VIL1: variants seen among roughly 807,000 people sequenced by gnomAD.
The protein encoded by VIL1 is villin 1, also known as villin-1.
VIL1 carries 86 observed loss-of-function variants against 104.0 expected under a neutral mutation model. The observed-to-expected ratio is 0.83, with a 90% CI of 0.69 to 0.99. The LOEUF (loss-of-function observed/expected upper bound fraction) is 0.99. VIL1 is among the 50% of genes least tolerant of loss of function. The pLI, the probability that VIL1 is intolerant of heterozygous loss-of-function variation, is 0.00. For synonymous variants in VIL1, 394 were observed against 412.6 expected (o/e 0.95, Z 0.55); for missense variants, 944 against 1,054.1 (o/e 0.90, Z 1.45).
At position 218,452,925 on chromosome 2, in the gene VIL1, C is replaced by T. The variant is rs1476417121; in HGVS notation, c.*3589C>T. 6.6e-6 allele frequency: 1 copy of T among 152,100 alleles called. No individual in the cohort carries two copies. Among genetic ancestry groups the T allele is most frequent in the African/African-American group, 2.4e-5 (1 of 41,434 alleles). 9.4% of individuals were successfully genotyped at this position (152,100 alleles called of 1,614,324 possible). A position where few individuals can be genotyped will look rare whatever the true frequency, so the allele number is the denominator to read the frequency against. On this transcript the variant is annotated 3_prime_UTR_variant, in exon 20 of 20. Coordinates refer to ENST00000248444, the MANE Select transcript of VIL1 (RefSeq NM_007127.3). ...ATTTCCAAGCAAAATCAAACCAAAC[C>T]AAAGAGGCTCCTGGTAGAAATGAAA...
Position 218,429,867 on chromosome 2 carries a change from CA to C in VIL1, c.869del (p.Gln290ArgfsTer4), listed in dbSNP as rs749326026. 1.4e-5 allele frequency: 22 copies of C among 1,612,794 alleles called. No individual in the cohort carries two copies. The highest frequency in any genetic ancestry group is 9.9e-5 in the South Asian group (9 of 91,056). Reference protein sequence around the residue: ...LSHEDCYILDQGGLKIYVWKG... With the variant: ...LSHEDCYILDXGGLKIYVWKG... The stretch of plus-strand genomic sequence containing the variant: ...ACTCTAGGACTGTTACATCCTGGAC[CA>C]GGGGGGCCTGAAGATCTACGTGTGG... On this transcript the variant is annotated frameshift_variant, in exon 9 of 20. Transcript: ENST00000248444. LOFTEE classifies it high-confidence loss of function.
intron 10 of VIL1, chr2:218,431,162 T>C (rs1689089850): frequency 3.7e-6 from 2 of 535,568 alleles, no homozygotes; most frequent in East Asian, 3.2e-5. Context: ...TAGCCTAACA[T>C]GGTGAAACCC....
Position 218,429,955 on chromosome 2 carries a change from TGGGGGC to T in VIL1, c.948+14_948+19del. 5 of 577,562 alleles carry T rather than the reference TGGGGGC, an allele frequency of 8.7e-6. No homozygotes were observed. Among genetic ancestry groups the T allele is most frequent in the Non-Finnish European group, 1.0e-5 (4 of 394,622 alleles). The allele number at this position is 577,562 out of a possible 1,614,324, so 35.8% of individuals were successfully genotyped here. On this transcript the variant is annotated intron_variant, in intron 9 of 19. Transcript: ENST00000248444. ...GCCATGAGCCATGCGCTGGTAGTGG[TGGGGGC>T]GGGGGAGGGTCCAGGAGGAGGGCAG...
rs146376067 is a variant in VIL1 at position 218,444,672 on chromosome 2, ATC to A, written c.2370+3816_2370+3817del. ...GTGGGAGTGTAGGAGAGGTTTTCAGATCTCTCTGTCTGCTCCAATCTTGCAAG... is the reference window on the plus strand; with the variant it reads ...GTGGGAGTGTAGGAGAGGTTTTCAGATCTCTGTCTGCTCCAATCTTGCAAG... On this transcript the variant is annotated intron_variant, in intron 19 of 19. Transcript: ENST00000248444. 3.2e-3 allele frequency among the ~76,000 whole-genome samples: 486 copies of A among 152,232 alleles called. 1 individual carries two copies. The highest frequency in any genetic ancestry group is 0.011 in the African/African-American group (466 of 41,536).
At chr2:218,424,006 C>T (rs577371171) in intron 2 of VIL1, among the ~76,000 whole-genome samples, 153 bp downstream of exon 2, 13 of 152,286 alleles carry the variant, frequency 8.5e-5, no homozygotes, top group South Asian at 2.1e-4. Flanking sequence ...ATCCACACCC[C>T]GGCTGGTCTC....
At chr2:218,431,767 C>A in intron 10 of VIL1, 90 bp from the exon 11 acceptor site, 1 of 1,092,664 alleles carries the variant, frequency 9.2e-7, no homozygotes, top group Non-Finnish European at 1.4e-6. Context: ...GAAAATGAGT[C>A]TAAGAATTGT....
At position 218,434,657 on chromosome 2, in the gene VIL1, T is replaced by A. The variant is rs774680627; in HGVS notation, c.1632T>A (p.Asp544Glu). 1 of 1,614,164 alleles carries A rather than the reference T, an allele frequency of 6.2e-7. No homozygotes were observed. Among genetic ancestry groups the A allele is most frequent in the Non-Finnish European group, 8.5e-7 (1 of 1,180,008 alleles). ...PARANFLNSNDVFVLKTQSCC... is the reference protein window; with the variant it reads ...PARANFLNSNEVFVLKTQSCC... ...GGGCCAATTTCCTCAATTCCAATGA[T>A]GTCTTTGTCCTCAAGACCCAGTCTT... The change falls in exon 14 of 20, where the codon GAT becomes GAA. Residue 544 changes from aspartate to glutamate, a missense_variant. Physicochemically the swap from Asp to Glu is conservative, Grantham distance 45 (BLOSUM62 2). Transcript: ENST00000248444.
At position 218,432,198 on chromosome 2, in the gene VIL1, C is replaced by T. The variant is rs768661429; in HGVS notation, c.1341+15C>T. The T allele has an allele frequency of 2.3e-5, 37 of 1,608,656 alleles. No homozygotes were observed. The East Asian group carries it at 6.0e-4, about 26-fold the overall frequency. The stretch of plus-strand genomic sequence containing the variant: ...ACGTTTGGCAGGTCAGGTCCCGCCA[C>T]GTCCCACCCAGAGCACAGCCGGCTT... On this transcript the variant is annotated intron_variant, in intron 12 of 19. Coordinates refer to ENST00000248444, the MANE Select transcript of VIL1 (RefSeq NM_007127.3).
At chr2:218,429,708 C>T in intron 8 of VIL1, 33 bp downstream of exon 8, 1 of 1,612,430 alleles carries the variant, frequency 6.2e-7, no homozygotes, top group Non-Finnish European at 8.5e-7. Flanking sequence ...CAGCCTACTG[C>T]AGCCTGGCCC....
Position 218,423,830 on chromosome 2 carries a change from G to C in VIL1, c.52G>C (p.Gly18Arg). The part of the protein sequence containing the change: ...VKGSLNITTP[G>R]LQIWRIEAMQ... ...AGGCTCTCTCAACATCACCACCCCG[G>C]GGCTGCAGATATGGAGGATCGAGGT... The change falls in exon 2 of 20, where the codon GGG (glycine) becomes CGG (arginine). Residue 18 changes from glycine (G) to arginine (R), a missense_variant. Physicochemically the swap from Gly to Arg is moderately radical, Grantham distance 125. Transcript: ENST00000248444. The C allele has an allele frequency of 6.2e-7, 1 of 1,614,168 alleles. No homozygotes were observed. The highest frequency in any genetic ancestry group is 1.1e-5 in the South Asian group (1 of 91,082).
intron 4 of VIL1, 136 bp from the exon 5 acceptor site, chr2:218,427,826 GCCC>G: frequency 1.4e-6 from 1 of 721,342 alleles, no homozygotes; most frequent in Non-Finnish European, 2.4e-6. Flanking sequence ...TAAAGTTTGC[GCCC>G]TCAGCACCTC....
At chr2:218,424,938 G>C (rs977270194) in intron 3 of VIL1, among the ~76,000 whole-genome samples, 7 of 152,082 alleles carry the variant, frequency 4.6e-5, no homozygotes, top group African/African-American at 1.7e-4. Context: ...GGGATTACAG[G>C]CATGAGCCAC....
In VIL1 at chr2:218,440,545, C is replaced by T. The variant is rs538726021; in HGVS notation, c.2230-177C>T. 3.3e-5 allele frequency among the ~76,000 whole-genome samples: 5 copies of T among 152,318 alleles called. No homozygotes were observed. In the South Asian group the frequency reaches 6.2e-4, roughly 19 times the overall value. On this transcript the variant is annotated intron_variant, in intron 18 of 19. Coordinates refer to ENST00000248444, the MANE Select transcript of VIL1 (RefSeq NM_007127.3). ...TCAGCCTCCCAAAGTGCTGGGATTA[C>T]AGGCGTGAGCCACTGCACCCAGCCT...
Position 218,447,536 on chromosome 2 carries a change from T to G in VIL1, c.2371-1687T>G, listed in dbSNP as rs185002579. Among the ~76,000 whole-genome samples, 790 of 152,088 alleles carry G rather than the reference T, an allele frequency of 5.2e-3. 8 individuals carry two copies. The highest frequency in any genetic ancestry group is 8.5e-3 in the Non-Finnish European group (577 of 67,982). ...GGTTTCACCATGTTGCCCAGGCTGG[T>G]CTTGAACTCCTGAACTCAAGCAATC... On this transcript the variant is annotated intron_variant, in intron 19 of 19. Transcript: ENST00000248444.
At chr2:218,444,907 G>A (rs1689340651) in intron 19 of VIL1, among the ~76,000 whole-genome samples, 1 of 152,198 alleles carries the variant, frequency 6.6e-6, no homozygotes. Flanking sequence ...CTGCTATCTA[G>A]CCTGAGGGGT....
At chr2:218,426,087 G>A (rs996576682) in intron 4 of VIL1, among the ~76,000 whole-genome samples, 3 of 152,138 alleles carry the variant, frequency 2.0e-5, no homozygotes, top group African/African-American at 7.2e-5. Flanking sequence ...AGGCTGTTCT[G>A]AAATTCTATA....
intron 11 of VIL1, 21 bp from the exon 12 acceptor site, chr2:218,432,025 C>G: frequency 6.2e-7 from 1 of 1,614,060 alleles, no homozygotes; most frequent in South Asian, 1.1e-5. Context: ...GGACCTCACC[C>G]TGGCCTGATA....
At chr2:218,435,528 C>A in intron 15 of VIL1, 94 bp downstream of exon 15, 1 of 1,477,362 alleles carries the variant, frequency 6.8e-7, no homozygotes, top group Non-Finnish European at 9.1e-7. Flanking sequence ...CAGGCATGGA[C>A]TGAGGACTCT....
rs573020588 is a variant in VIL1 at position 218,425,537 on chromosome 2, C to T, written c.151-78C>T. On this transcript the variant is annotated intron_variant, in intron 3 of 19. Coordinates refer to ENST00000248444, the MANE Select transcript of VIL1 (RefSeq NM_007127.3). ...CGCTCCCCCATAGTCCTGGACGGCA[C>T]GTGTGTGGGAGGTCACACAGAGCTG... 705 of 1,466,004 alleles carry T rather than the reference C, an allele frequency of 4.8e-4. 14 individuals are homozygous for T. In the South Asian group the frequency reaches 8.0e-3, roughly 17 times the overall value. The allele number at this position is 1,466,004 out of a possible 1,614,324, so 90.8% of individuals were successfully genotyped here.
Sources: allele counts gnomAD v4.1 joint callset (sites outside exome capture counted in the v4.1 genomes callset), GRCh38; gene constraint gnomAD v4.1.1; transcripts MANE v1.5; gene names NCBI Gene and HGNC (gene_info 2026-07-23, HGNC 2026-07-21).